Variants in EPHA6 observed in about 807,000 individuals in gnomAD.
EPHA6 encodes the protein ephrin type-A receptor 6.
A neutral mutation model predicts 112.0 loss-of-function variants in EPHA6; 50 were observed. The ratio of observed to expected loss-of-function variants is 0.45; its 90% CI spans 0.36 to 0.56. The LOEUF is 0.56. Among genes scored for constraint, EPHA6 ranks in the 20% least tolerant of loss-of-function variants. The probability of loss-of-function intolerance (pLI) is 0.00; values close to 1 mark genes in which losing one functional copy is unlikely to be tolerated. For missense variants in EPHA6, 1,280 were observed against 1,417.4 expected (o/e 0.90, Z 1.56); for synonymous variants, 529 against 490.7 (o/e 1.08, Z -1.03).
intron 2 of EPHA6, among the ~76,000 whole-genome samples, chr3:96,911,030 A>G (rs2039189603): frequency 6.6e-6 from 1 of 152,026 alleles, no homozygotes; most frequent in African/African-American, 2.4e-5. Context: ...CTTGAAATAT[A>G]TTGGTGACAT....
At chr3:96,978,239 C>T (rs2042610782) in intron 2 of EPHA6, among the ~76,000 whole-genome samples, 1 of 152,068 alleles carries the variant, frequency 6.6e-6, no homozygotes, top group Admixed American at 6.6e-5. Flanking sequence ...ATGAAGTGGC[C>T]TTCATCCTTG....
At chr3:97,563,003 T>C (rs1433103107) in intron 11 of EPHA6, among the ~76,000 whole-genome samples, 1 of 152,146 alleles carries the variant, frequency 6.6e-6, no homozygotes, top group Non-Finnish European at 1.5e-5. Flanking sequence ...GCACACTTAA[T>C]AAACTACAGT....
intron 11 of EPHA6, among the ~76,000 whole-genome samples, chr3:97,586,428 C>G (rs1054357412): frequency 2.0e-5 from 3 of 152,106 alleles, no homozygotes; most frequent in Non-Finnish European, 4.4e-5. Context: ...TATTGAATCT[C>G]TAGCCTCATC....
At chr3:97,726,714 T>C (rs2034785899) in intron 15 of EPHA6, among the ~76,000 whole-genome samples, 1 of 152,112 alleles carries the variant, frequency 6.6e-6, no homozygotes, top group African/African-American at 2.4e-5. Flanking sequence ...AGTTATTATT[T>C]ACTACATAAT....
intron 5 of EPHA6, among the ~76,000 whole-genome samples, chr3:97,358,952 T>A (rs2084222356): frequency 6.6e-6 from 1 of 151,908 alleles, no homozygotes; most frequent in Admixed American, 6.6e-5. Context: ...ATATGATGAG[T>A]TCCTTCTCTT....
intron 3 of EPHA6, among the ~76,000 whole-genome samples, chr3:97,093,744 G>T (rs147853685): frequency 6.6e-6 from 1 of 152,086 alleles, no homozygotes; most frequent in East Asian, 1.9e-4. Context: ...TTCCTTCTCC[G>T]TCTCTTTAGG....
chr3:97,597,787 T>C (rs1190658322), intron 12 of EPHA6, among the ~76,000 whole-genome samples: 1 of 152,250 alleles, frequency 6.6e-6, no homozygotes, highest in Non-Finnish European at 1.5e-5. Flanking sequence ...AGAAAGTATA[T>C]GGCTTAGATG....
chr3:97,177,196 C>T (rs964939346), intron 3 of EPHA6, among the ~76,000 whole-genome samples: 26 of 151,830 alleles, frequency 1.7e-4, no homozygotes, highest in Non-Finnish European at 2.7e-4. Context: ...CAAAATTCCT[C>T]TTGCTATTAA....
chr3:97,101,865 A>G (rs772847179), intron 3 of EPHA6, among the ~76,000 whole-genome samples: 3 of 152,058 alleles, frequency 2.0e-5, no homozygotes, highest in Non-Finnish European at 4.4e-5. Flanking sequence ...ATCTGTATTC[A>G]GTTTCAGCTC....
chr3:97,632,929 G>C (rs2093915879), intron 13 of EPHA6, among the ~76,000 whole-genome samples: 1 of 152,028 alleles, frequency 6.6e-6, no homozygotes, highest in Non-Finnish European at 1.5e-5. Context: ...TTGGCTTCAG[G>C]ACAGCCTGGC....
chr3:97,627,081 A>T (rs1036340408), intron 13 of EPHA6, among the ~76,000 whole-genome samples: 2 of 151,890 alleles, frequency 1.3e-5, no homozygotes, highest in South Asian at 4.1e-4. Flanking sequence ...AGTAGTTATT[A>T]CCACTATCCT....
At chr3:96,836,860 A>G (rs1174835860) in intron 1 of EPHA6, among the ~76,000 whole-genome samples, 1 of 152,298 alleles carries the variant, frequency 6.6e-6, no homozygotes, top group East Asian at 1.9e-4. Context: ...AAAAGGGGAA[A>G]GTAAGTCTAC....
intron 11 of EPHA6, among the ~76,000 whole-genome samples, chr3:97,566,922 G>T (rs1415878625): frequency 6.6e-6 from 1 of 152,134 alleles, no homozygotes; most frequent in Non-Finnish European, 1.5e-5. Flanking sequence ...CATGTCATAG[G>T]TCCACCTCTG....
At chr3:97,165,801 C>A (rs1391132585) in intron 3 of EPHA6, among the ~76,000 whole-genome samples, 4 of 152,052 alleles carry the variant, frequency 2.6e-5, no homozygotes, top group Non-Finnish European at 5.9e-5. Flanking sequence ...TAAATAAATT[C>A]TTATTGGAAG....
At chr3:96,817,981 A>T (rs1559745908) in intron 1 of EPHA6, among the ~76,000 whole-genome samples, 1 of 151,960 alleles carries the variant, frequency 6.6e-6, no homozygotes. Flanking sequence ...AATCGATCAG[A>T]AAGTAAAGGT....
At chr3:96,908,841 C>T (rs944359658) in intron 2 of EPHA6, among the ~76,000 whole-genome samples, 3 of 151,856 alleles carry the variant, frequency 2.0e-5, no homozygotes, top group Admixed American at 6.6e-5. Flanking sequence ...TGGACTTATT[C>T]GGAGGCACTG....
intron 3 of EPHA6, among the ~76,000 whole-genome samples, chr3:97,186,681 G>C (rs775968602): frequency 6.6e-6 from 1 of 152,072 alleles, no homozygotes; most frequent in Admixed American, 6.6e-5. Flanking sequence ...AAAGCAGTTG[G>C]TTCTTTCAAC....
chr3:97,570,723 T>C (rs2107221389), intron 11 of EPHA6, among the ~76,000 whole-genome samples: 1 of 151,092 alleles, frequency 6.6e-6, no homozygotes, highest in South Asian at 2.1e-4. Flanking sequence ...AGTGAGACTC[T>C]GTTTCAAAAA....
At chr3:97,612,049 A>C (rs1339573784) in intron 13 of EPHA6, among the ~76,000 whole-genome samples, 1 of 152,022 alleles carries the variant, frequency 6.6e-6, no homozygotes, top group African/African-American at 2.4e-5. Context: ...ACTCTCAACC[A>C]AGTGTGCTCT....
Sources: gnomAD v4.1 joint callset for allele counts (sites outside exome capture counted in the v4.1 genomes callset) on GRCh38, gnomAD v4.1.1 for gene constraint, MANE v1.5 for transcripts, NCBI Gene and HGNC (gene_info 2026-07-23, HGNC 2026-07-21) for gene names.